Variants in MAF1 observed in about 807,000 individuals in gnomAD.
MAF1 encodes repressor of RNA polymerase III transcription MAF1 homolog.
In MAF1, 7 loss-of-function variants were observed where a neutral mutation model predicts 31.9. The observed-to-expected ratio is 0.22, with a 90% CI of 0.12 to 0.41. MAF1 has a LOEUF of 0.41. MAF1 is among the 10% of genes least tolerant of loss of function. The pLI is 1.00. For missense variants in MAF1, 221 were observed against 323.1 expected (o/e 0.68, Z 2.42); for synonymous variants, 157 against 120.0 (o/e 1.31, Z -2.02).
chr8:144,107,152 T>C lies in MAF1; in HGVS notation c.*43T>C. 1 of 1,551,704 alleles carries C rather than the reference T, an allele frequency of 6.4e-7. No homozygotes were observed. The highest frequency in any genetic ancestry group is 1.2e-5 in the South Asian group (1 of 84,206). ...CCCAGCTTCATCCAGCTTCAACCAA[T>C]GCCTGGACCTGTCCACCTGAGAGGC... On this transcript the variant is annotated 3_prime_UTR_variant, in exon 8 of 8. Coordinates refer to ENST00000322428, the MANE Select transcript of MAF1 (RefSeq NM_032272.5).
rs575686517 is a variant in MAF1, at chr8:144,104,800, G to C, written c.-103G>C. The C allele has an allele frequency of 2.2e-4, 8 of 37,036 alleles. No individual in the cohort carries two copies. The highest frequency in any genetic ancestry group is 4.0e-4 in the Admixed American group (1 of 2,502). 2.3% of individuals were successfully genotyped at this position (37,036 alleles called of 1,614,324 possible). A position where few individuals can be genotyped will look rare whatever the true frequency, so the allele number is the denominator to read the frequency against. On this transcript the variant is annotated 5_prime_UTR_variant, in exon 1 of 8. Transcript: ENST00000322428. ...CCGCCTGCGCACCGGCACCGACGCG[G>C]AGCGACCCAGCCCAGCCAGACCCGG...
At chr8:144,106,516 C>T (rs778786466) in intron 5 of MAF1, 39 bp from the exon 6 acceptor site, 22 of 1,613,818 alleles carry the variant, frequency 1.4e-5, no homozygotes, top group Non-Finnish European at 1.8e-5. Flanking sequence ...TTGTGGGGCA[C>T]TTGGCGCCTC....
chr8:144,105,847 T>C (rs1263314443), intron 2 of MAF1, 22 bp from the exon 3 acceptor site: 1 of 1,612,826 alleles, frequency 6.2e-7, no homozygotes, highest in African/African-American at 1.3e-5. Flanking sequence ...GCATGCTTCA[T>C]GGTTCTCTCT....
In MAF1 at chr8:144,104,596, G is replaced by A. The variant is rs1389897869; in HGVS notation, c.-307G>A. 6.6e-6 allele frequency: 1 copy of A among 152,232 alleles called. No individual in the cohort carries two copies. Among genetic ancestry groups the A allele is most frequent in the Non-Finnish European group, 1.5e-5 (1 of 68,052 alleles). 9.4% of individuals were successfully genotyped at this position (152,232 alleles called of 1,614,324 possible). ...GCGGTCGGCGGCAGGTCGGTCGCGAGAGCGGGCTCTGTGGAAGGGGGCGAG... is the reference window on the plus strand; with the variant it reads ...GCGGTCGGCGGCAGGTCGGTCGCGAAAGCGGGCTCTGTGGAAGGGGGCGAG... On this transcript the variant is annotated 5_prime_UTR_variant, in exon 1 of 8. Transcript: ENST00000322428.
intron 7 of MAF1, 49 bp downstream of exon 7, chr8:144,107,012 C>T: frequency 6.4e-7 from 1 of 1,555,690 alleles, no homozygotes; most frequent in Non-Finnish European, 8.7e-7. Context: ...GGAGTGGGTA[C>T]AACAGGGTGG....
Position 144,105,625 on chromosome 8 carries a change from T to G in MAF1, c.-44-15T>G. The G allele has an allele frequency of 6.7e-7, 1 of 1,486,586 alleles. No individual in the cohort carries two copies. The highest frequency in any genetic ancestry group is 9.4e-7 in the Non-Finnish European group (1 of 1,065,870). 92.1% of individuals were successfully genotyped at this position (1,486,586 alleles called of 1,614,324 possible). On this transcript the variant is annotated splice_polypyrimidine_tract_variant and intron_variant, in intron 1 of 7. Coordinates refer to ENST00000322428, the MANE Select transcript of MAF1 (RefSeq NM_032272.5). ...GGCCAGATAGATACCCATGGTCTGG[T>G]CTCTCACTCCCCAGGCAATACTAGC...
At position 144,107,209 on chromosome 8, in the gene MAF1, C is replaced by T. The variant is rs978649851; in HGVS notation, c.*100C>T. ...GGCCTCCCCAGCTGCTGGCCAGACCCTGGCGCTGCCACAGTCCTGGCACTG... is the reference window on the plus strand; with the variant it reads ...GGCCTCCCCAGCTGCTGGCCAGACCTTGGCGCTGCCACAGTCCTGGCACTG... On this transcript the variant is annotated 3_prime_UTR_variant, in exon 8 of 8. Transcript: ENST00000322428. 12 of 1,445,720 alleles carry T rather than the reference C, an allele frequency of 8.3e-6. No homozygotes were observed. Among genetic ancestry groups the T allele is most frequent in the Admixed American group, 3.9e-5 (2 of 50,746 alleles). 89.6% of individuals were successfully genotyped at this position (1,445,720 alleles called of 1,614,324 possible).
At chr8:144,106,534 C>T (rs776080539) in intron 5 of MAF1, 21 bp from the exon 6 acceptor site, 8 of 1,613,828 alleles carry the variant, frequency 5.0e-6, no homozygotes, top group South Asian at 2.2e-5. Flanking sequence ...CTCACACCAC[C>T]TGTCACCCTA....
In MAF1 at chr8:144,104,523, G is replaced by C. The variant is rs1564316796; in HGVS notation, c.-380G>C. On this transcript the variant is annotated 5_prime_UTR_variant, in exon 1 of 8. Coordinates refer to ENST00000322428, the MANE Select transcript of MAF1 (RefSeq NM_032272.5). ...TGTTGTCCGGCCGGGGGAGGCGGAGGTCGCTCGCTCGCTCGCTCGGCTCGC... is the reference window on the plus strand; with the variant it reads ...TGTTGTCCGGCCGGGGGAGGCGGAGCTCGCTCGCTCGCTCGCTCGGCTCGC... 6.6e-6 allele frequency: 1 copy of C among 152,170 alleles called. No homozygotes were observed. Among genetic ancestry groups the C allele is most frequent in the Non-Finnish European group, 1.5e-5 (1 of 68,026 alleles). The allele number at this position is 152,170 out of a possible 1,614,324, so 9.4% of individuals were successfully genotyped here.
chr8:144,107,226 C>CT lies in MAF1; in HGVS notation c.*118dup, dbSNP rs1362894638. The CT allele has an allele frequency of 1.5e-6, 2 of 1,321,408 alleles. No individual in the cohort carries two copies. The highest frequency in any genetic ancestry group is 2.5e-5 in the South Asian group (2 of 79,244). 81.9% of individuals were successfully genotyped at this position (1,321,408 alleles called of 1,614,324 possible). A position where few individuals can be genotyped will look rare whatever the true frequency, so the allele number is the denominator to read the frequency against. Reference sequence around the variant, plus strand: ...GCCAGACCCTGGCGCTGCCACAGTCCTGGCACTGCCCAAGGCCATACCTGC... The same window carrying CT: ...GCCAGACCCTGGCGCTGCCACAGTCCTTGGCACTGCCCAAGGCCATACCTGC... On this transcript the variant is annotated 3_prime_UTR_variant, in exon 8 of 8. Transcript: ENST00000322428.
chr8:144,105,453 A>T, intron 1 of MAF1, 187 bp from the exon 2 acceptor site: 1 of 576,416 alleles, frequency 1.7e-6, no homozygotes, highest in South Asian at 2.0e-5. Flanking sequence ...TGGACTTACC[A>T]CCCTCAGGTA....
chr8:144,105,079 A>G (rs1266440808), intron 1 of MAF1: 2 of 152,426 alleles, frequency 1.3e-5, no homozygotes, highest in Admixed American at 1.3e-4. Context: ...TTTTCCGGGT[A>G]GAGTGGAGGA....
Position 144,106,637 on chromosome 8 carries a change from C to G in MAF1, c.583C>G (p.Leu195Val). Residue 195 changes from leucine to valine, a missense_variant, in exon 6 of 8, where the codon CTC becomes GTC. By Grantham distance (32) the Leu-to-Val change is conservative (BLOSUM62 1). Transcript: ENST00000322428. ...CAACTACTTCTTCTACAACAAGCGG[C>G]TCAAGCGAATCGTCTTCTTTAGCTG... is the stretch of plus-strand genomic sequence containing the variant. ...SFNYFFYNKR[L>V]KRIVFFSCRS... is the part of the protein sequence containing the mutation. The G allele has an allele frequency of 6.2e-7, 1 of 1,613,846 alleles. No individual in the cohort carries two copies. The highest frequency in any genetic ancestry group is 8.5e-7 in the Non-Finnish European group (1 of 1,180,004).
In MAF1 at chr8:144,106,535, T is replaced by G. The variant is rs1489947312; in HGVS notation, c.501-20T>G. ...GGGGCACTTGGCGCCTCACACCACC[T>G]GTCACCCTATACTCCCCAGCTATAA... On this transcript the variant is annotated intron_variant, in intron 5 of 7. Coordinates refer to ENST00000322428, the MANE Select transcript of MAF1 (RefSeq NM_032272.5). 6.2e-7 allele frequency: 1 copy of G among 1,613,796 alleles called. No individual in the cohort carries two copies. The highest frequency in any genetic ancestry group is 8.5e-7 in the Non-Finnish European group (1 of 1,180,032).
At chr8:144,105,032 G>C (rs967420890) in intron 1 of MAF1, 174 bp downstream of exon 1, 1 of 152,322 alleles carries the variant, frequency 6.6e-6, no homozygotes, top group African/African-American at 2.4e-5. Context: ...CGGGGCCGAG[G>C]GACCGCCCTC....
chr8:144,105,302 T>TCTG, intron 1 of MAF1: 4 of 225,428 alleles, frequency 1.8e-5, no homozygotes, highest in East Asian at 1.0e-4. Context: ...CTGGAGCTCT[T>TCTG]TTGGAGTGGG....
chr8:144,105,448 T>C (rs1836392890), intron 1 of MAF1, 192 bp from the exon 2 acceptor site: 3 of 572,464 alleles, frequency 5.2e-6, no homozygotes, highest in Non-Finnish European at 9.4e-6. Flanking sequence ...GAGCCTGGAC[T>C]TACCACCCTC....
At position 144,106,119 on chromosome 8, in the gene MAF1, G is replaced by A; in HGVS notation, c.256G>A (p.Asp86Asn). The A allele has an allele frequency of 6.2e-7, 1 of 1,613,684 alleles. No homozygotes were observed. Among genetic ancestry groups the A allele is most frequent in the Non-Finnish European group, 8.5e-7 (1 of 1,180,026 alleles). Reference protein sequence around the residue: ...QGGEEEGPLSDKCSRKTLFYL... With the variant: ...QGGEEEGPLSNKCSRKTLFYL... ...CGGTGAGGAGGAGGGCCCCCTCAGT[G>A]ACAAGTGCAGCCGCAAGACCCTCTT... Residue 86 changes from aspartate (D) to asparagine (N), a missense_variant, in exon 4 of 8, where the codon GAC (aspartate) becomes AAC (asparagine). Coordinates refer to ENST00000322428, the MANE Select transcript of MAF1 (RefSeq NM_032272.5).
rs545675042 is a variant in MAF1, at chr8:144,107,491, G to A, written c.*382G>A. The A allele has an allele frequency of 1.0e-5, 6 of 589,640 alleles. No homozygotes were observed. The highest frequency in any genetic ancestry group is 2.0e-5 in the South Asian group (1 of 50,148). The allele number at this position is 589,640 out of a possible 1,614,324, so 36.5% of individuals were successfully genotyped here. ...CCACGAGCAGGCCCCAGCAGTCACC[G>A]GCTCTGGTCTTGGGCCGGCCCCGGT... On this transcript the variant is annotated 3_prime_UTR_variant, in exon 8 of 8. Coordinates refer to ENST00000322428, the MANE Select transcript of MAF1 (RefSeq NM_032272.5).
Sources: allele counts gnomAD v4.1 joint callset, GRCh38; gene constraint gnomAD v4.1.1; transcripts MANE v1.5; gene names NCBI Gene and HGNC (gene_info 2026-07-23, HGNC 2026-07-21).